RPH3AL: variants seen among roughly 807,000 people sequenced by gnomAD.
RPH3AL encodes rabphilin 3A like (without C2 domains).
In RPH3AL, 38 loss-of-function variants were observed where a neutral mutation model predicts 43.1. The observed-to-expected ratio is 0.88, with a 90% CI of 0.68 to 1.15. RPH3AL has a LOEUF of 1.15. Among genes scored for constraint, RPH3AL ranks in the 50% most tolerant of loss-of-function variants. The pLI, the probability that RPH3AL is intolerant of heterozygous loss-of-function variation, is 0.00. For missense variants in RPH3AL, 462 were observed against 423.2 expected, an observed-to-expected ratio of 1.09 and a Z score of -0.81; for synonymous variants, 189 against 176.3, an observed-to-expected ratio of 1.07 and a Z score of -0.57.
intron 5 of RPH3AL, among the ~76,000 whole-genome samples, chr17:286,258 G>A (rs912998134): frequency 2.6e-5 from 4 of 152,202 alleles, no homozygotes; most frequent in Non-Finnish European, 5.9e-5. Context: ...CAGAGGTTGG[G>A]TGAAGGGCTG....
intron 7 of RPH3AL, among the ~76,000 whole-genome samples, chr17:229,090 C>G (rs938638916): frequency 2.0e-5 from 3 of 152,212 alleles, no homozygotes; most frequent in African/African-American, 7.2e-5. Context: ...TAATCCACCC[C>G]CTCCAGGAAC....
intron 6 of RPH3AL, among the ~76,000 whole-genome samples, chr17:272,086 G>A (rs765736388): frequency 3.9e-5 from 6 of 152,156 alleles, no homozygotes; most frequent in Non-Finnish European, 8.8e-5. Flanking sequence ...GAATGGCGAT[G>A]ATTAAAAAGT....
At chr17:237,622 C>A (rs1050531929) in intron 7 of RPH3AL, among the ~76,000 whole-genome samples, 7 of 152,246 alleles carry the variant, frequency 4.6e-5, no homozygotes. Flanking sequence ...TATTTACACC[C>A]TGTGAGCAGG....
chr17:277,566 C>T (rs981327779), intron 6 of RPH3AL, among the ~76,000 whole-genome samples: 4 of 152,328 alleles, frequency 2.6e-5, no homozygotes, highest in African/African-American at 7.2e-5. Context: ...ATCCTCAGCA[C>T]AGCAGACAGA....
chr17:277,085 C>T (rs1034550662), intron 6 of RPH3AL, among the ~76,000 whole-genome samples: 1 of 152,044 alleles, frequency 6.6e-6, no homozygotes, highest in Non-Finnish European at 1.5e-5. Context: ...GAAATCCATT[C>T]TAAGGATAGA....
intron 6 of RPH3AL, among the ~76,000 whole-genome samples, chr17:265,317 G>T (rs2042294789): frequency 6.6e-6 from 1 of 152,108 alleles, no homozygotes; most frequent in Non-Finnish European, 1.5e-5. Context: ...GTTGGTCTCA[G>T]ACTCCTATAC....
chr17:243,721 C>T lies in RPH3AL; in HGVS notation c.613+3390G>A, dbSNP rs1343211743. On this transcript the variant is annotated intron_variant, in intron 7 of 9. Coordinates refer to ENST00000331302, the MANE Select transcript of RPH3AL (RefSeq NM_006987.4). ...TGACTACCTTCCTCTATTGATTACC[C>T]TTCCTCTATTGATTACCTTCCTCTA... 8.2e-3 allele frequency among the ~76,000 whole-genome samples: 1,160 copies of T among 141,352 alleles called. 8 individuals are homozygous for T. The highest frequency in any genetic ancestry group is 0.029 in the African/African-American group (1,078 of 37,762). The allele number at this position is 141,352 out of a possible 152,430, so 92.7% of individuals were successfully genotyped here.
chr17:266,148 T>G (rs2042314298), intron 6 of RPH3AL, among the ~76,000 whole-genome samples: 1 of 152,208 alleles, frequency 6.6e-6, no homozygotes. Flanking sequence ...GTGAGACCCC[T>G]TCCAGGAGGA....
chr17:341,752 T>C (rs1350014242), intron 1 of RPH3AL, among the ~76,000 whole-genome samples: 1 of 152,206 alleles, frequency 6.6e-6, no homozygotes, highest in Non-Finnish European at 1.5e-5. Context: ...AATGCCGTGC[T>C]GTTTAGGTTC....
rs1160599764 is a variant in RPH3AL, at chr17:343,283, A to G, written c.-212-9349T>C. ...ACTGAGGGCTGTGGAGTCAGTCTCT[A>G]CGTAAACACATTCAGCTCTCTGAGT... On this transcript the variant is annotated intron_variant, in intron 1 of 9. Coordinates refer to ENST00000331302, the MANE Select transcript of RPH3AL (RefSeq NM_006987.4). Among the ~76,000 whole-genome samples the G allele has an allele frequency of 2.0e-5, 3 of 152,212 alleles. No individual in the cohort carries two copies. In the East Asian group the frequency reaches 5.8e-4, roughly 29 times the overall value.
In RPH3AL at chr17:290,046, T is replaced by G. The variant is rs1387035344; in HGVS notation, c.352-8192A>C. ...CTCCTGCTCCCTGTGCCCGGCACAG[T>G]GACTATTTGCAGAAGAACGGATTGA... On this transcript the variant is annotated intron_variant, in intron 5 of 9. Transcript: ENST00000331302. This position sits in a 1 kb window ranked among gnomAD's most constrained non-coding sequence, Gnocchi z 4.2. 6.6e-6 allele frequency among the ~76,000 whole-genome samples: 1 copy of G among 152,090 alleles called. No individual in the cohort carries two copies. Among genetic ancestry groups the G allele is most frequent in the African/African-American group, 2.4e-5 (1 of 41,418 alleles).
intron 1 of RPH3AL, among the ~76,000 whole-genome samples, chr17:351,575 T>G (rs2045354309): frequency 6.6e-6 from 1 of 152,192 alleles, no homozygotes. Flanking sequence ...GTCTCTTCCA[T>G]GAGCCTCTCT....
Position 327,462 on chromosome 17 carries a change from C to T in RPH3AL, c.77+5G>A. On this transcript the variant is annotated splice_donor_5th_base_variant and intron_variant, in intron 3 of 9. Transcript: ENST00000331302. The stretch of plus-strand genomic sequence containing the variant: ...GACGGCCTGGGGGGCCCCAGAGGTA[C>T]TCACTTGGCTCGAAGGGCAAGCTGC... The T allele has an allele frequency of 6.2e-7, 1 of 1,613,728 alleles. No homozygotes were observed. The highest frequency in any genetic ancestry group is 8.5e-7 in the Non-Finnish European group (1 of 1,179,810).
intron 5 of RPH3AL, among the ~76,000 whole-genome samples, chr17:297,797 T>C (rs60253341): frequency 0.017 from 2,651 of 152,232 alleles, 68 homozygotes; most frequent in African/African-American, 0.057. Flanking sequence ...AAGAGCAAGG[T>C]TGGTCACAGG....
intron 7 of RPH3AL, among the ~76,000 whole-genome samples, chr17:235,437 A>G (rs150976330): frequency 0.023 from 2,106 of 92,396 alleles, 162 homozygotes; most frequent in Middle Eastern, 0.032. Flanking sequence ...GCTCTGCAGT[A>G]ACAAGAGGGA....
rs1555540577 is a variant in RPH3AL at position 247,299 on chromosome 17, G to A, written c.439-14C>T. On this transcript the variant is annotated splice_polypyrimidine_tract_variant and intron_variant, in intron 6 of 9. Transcript: ENST00000331302. ...CCTCTTCCAGACCTGAGTGGGGGAA[G>A]AGAGCTGCTTGGGGCACAGGACGCA... The A allele has an allele frequency of 3.9e-6, 6 of 1,556,580 alleles. No individual in the cohort carries two copies. Among genetic ancestry groups the A allele is most frequent in the Non-Finnish European group, 5.2e-6 (6 of 1,150,300 alleles).
intron 9 of RPH3AL, 98 bp from the exon 10 acceptor site, chr17:214,021 G>T: frequency 1.1e-6 from 1 of 900,226 alleles, no homozygotes. Context: ...GGAGGAGCTG[G>T]TGGGGAAGGC....
chr17:243,265 C>A (rs1424816568), intron 7 of RPH3AL, among the ~76,000 whole-genome samples: 1 of 141,196 alleles, frequency 7.1e-6, no homozygotes, highest in African/African-American at 2.7e-5. Flanking sequence ...CTATTGATTA[C>A]CCTTCCTCTA....
In RPH3AL at chr17:274,448, G is replaced by A. The variant is rs930014971; in HGVS notation, c.438+7320C>T. ...GGGCCACAGGGGCTGTCCTCCCTCC[G>A]CCAACCCTCCTGTCATCCCTGGGAG... is the stretch of plus-strand genomic sequence containing the variant. On this transcript the variant is annotated intron_variant, in intron 6 of 9. Transcript: ENST00000331302. This position sits in a 1 kb window ranked among gnomAD's most constrained non-coding sequence, Gnocchi z 4.7. 3.3e-5 allele frequency among the ~76,000 whole-genome samples: 5 copies of A among 152,222 alleles called. No individual in the cohort carries two copies. Among genetic ancestry groups the A allele is most frequent in the East Asian group, 1.9e-4 (1 of 5,196 alleles).
Sources: gnomAD v4.1 joint callset for allele counts (sites outside exome capture counted in the v4.1 genomes callset) on GRCh38, gnomAD v4.1.1 for gene constraint, Gnocchi (gnomAD v3.1) non-coding constraint, MANE v1.5 for transcripts, NCBI Gene and HGNC (gene_info 2026-07-23, HGNC 2026-07-21) for gene names.